Variants in FHIT observed in about 807,000 individuals in gnomAD.
The protein encoded by FHIT is fragile histidine triad diadenosine triphosphatase.
FHIT carries 19 observed loss-of-function variants against 17.9 expected under a neutral mutation model. The observed-to-expected ratio is 1.06, with a 90% CI of 0.74 to 1.56. FHIT has a LOEUF of 1.56. Ranked by LOEUF, FHIT falls within the 40% of genes most tolerant of loss-of-function variation. The probability of loss-of-function intolerance (pLI) is 0.00; values close to 1 mark genes in which losing one functional copy is unlikely to be tolerated. For synonymous variants in FHIT, 81 were observed against 69.7 expected (o/e 1.16, Z -0.81); for missense variants, 248 against 189.2 (o/e 1.31, Z -1.82).
chr3:60,348,162 T>A (rs1710891682), intron 5 of FHIT, among the ~76,000 whole-genome samples: 1 of 152,116 alleles, frequency 6.6e-6, no homozygotes, highest in Non-Finnish European at 1.5e-5. Flanking sequence ...TTTGTAATTA[T>A]CTAACCACAC....
chr3:61,063,820 C>A (rs1168932191), intron 2 of FHIT, among the ~76,000 whole-genome samples: 1 of 152,070 alleles, frequency 6.6e-6, no homozygotes, highest in Non-Finnish European at 1.5e-5. Context: ...AAAAAAAATC[C>A]AATTTTAATG....
chr3:60,655,237 G>A (rs983727893), intron 4 of FHIT, among the ~76,000 whole-genome samples: 1 of 152,098 alleles, frequency 6.6e-6, no homozygotes, highest in Non-Finnish European at 1.5e-5. Flanking sequence ...AGGTGGGAAG[G>A]GTGGGACTGG....
chr3:61,225,950 CTTATAAAATATTAACTATAAGAGCA>C (rs955586519), intron 1 of FHIT, among the ~76,000 whole-genome samples: 36 of 152,194 alleles, frequency 2.4e-4, no homozygotes, highest in African/African-American at 8.7e-4. Context: ...CAGGGCCAAG[CTTATAAAATATTAACTATAAGAGCA>C]GTCAAGTGTT....
intron 4 of FHIT, among the ~76,000 whole-genome samples, chr3:60,685,703 C>T (rs1315391349): frequency 6.6e-6 from 1 of 152,104 alleles, no homozygotes; most frequent in Admixed American, 6.6e-5. Flanking sequence ...CCTAGAATTA[C>T]TATTATACTA....
intron 4 of FHIT, among the ~76,000 whole-genome samples, chr3:60,669,583 C>T (rs1553693356): frequency 6.6e-6 from 1 of 152,134 alleles, no homozygotes; most frequent in Non-Finnish European, 1.5e-5. Flanking sequence ...GATGAATTTT[C>T]TTTTCTAGAA....
Position 60,452,573 on chromosome 3 carries a change from T to A in FHIT, c.103+84287A>T, listed in dbSNP as rs201988447. On this transcript the variant is annotated intron_variant, in intron 5 of 9. Transcript: ENST00000492590. The stretch of plus-strand genomic sequence containing the variant: ...ATGAATTCAAAACAATGATTAGTAA[T>A]TAACACATCAATCTTTGAATGTCAA... Among the ~76,000 whole-genome samples the A allele has an allele frequency of 1.3e-4, 20 of 152,316 alleles. No individual in the cohort carries two copies. The East Asian group carries it at 3.3e-3, about 25-fold the overall frequency.
At chr3:61,143,599 C>T (rs1448017108) in intron 2 of FHIT, among the ~76,000 whole-genome samples, 3 of 152,218 alleles carry the variant, frequency 2.0e-5, no homozygotes, top group Non-Finnish European at 4.4e-5. Context: ...GGCACAGTGG[C>T]TCACGCCTGT....
At chr3:60,579,970 T>C (rs965688522) in intron 4 of FHIT, among the ~76,000 whole-genome samples, 3 of 152,050 alleles carry the variant, frequency 2.0e-5, no homozygotes, top group African/African-American at 4.8e-5. Flanking sequence ...AGTCAGAAAA[T>C]GTCTAGCAGC....
chr3:60,182,752 C>A (rs1701992569), intron 5 of FHIT, among the ~76,000 whole-genome samples: 1 of 152,012 alleles, frequency 6.6e-6, no homozygotes, highest in African/African-American at 2.4e-5. Flanking sequence ...CACTGCACTG[C>A]AGCCTGGGTG....
intron 5 of FHIT, among the ~76,000 whole-genome samples, chr3:60,420,498 T>C (rs1467212398): frequency 2.0e-5 from 3 of 152,158 alleles, no homozygotes; most frequent in African/African-American, 7.2e-5. Context: ...ACAGCCAAAC[T>C]GCTAAGCAAT....
intron 3 of FHIT, among the ~76,000 whole-genome samples, chr3:60,830,401 C>T (rs1220782563): frequency 6.6e-6 from 1 of 152,068 alleles, no homozygotes; most frequent in African/African-American, 2.4e-5. Flanking sequence ...AACAGAAGCA[C>T]CACATAAACC....
intron 8 of FHIT, among the ~76,000 whole-genome samples, chr3:59,905,339 C>T (rs1704537181): frequency 6.6e-6 from 1 of 152,120 alleles, no homozygotes; most frequent in Admixed American, 6.5e-5. Context: ...AAGTTTCTAG[C>T]CTGGATTTTT....
chr3:60,554,066 T>G (rs1370421551), intron 4 of FHIT, among the ~76,000 whole-genome samples: 1 of 151,878 alleles, frequency 6.6e-6, no homozygotes, highest in African/African-American at 2.4e-5. Context: ...CACTCCAGCC[T>G]GGGTAACAAA....
In FHIT at chr3:60,573,937, G is replaced by A. The variant is rs1293170996; in HGVS notation, c.-17-36958C>T. 8.6e-5 allele frequency among the ~76,000 whole-genome samples: 13 copies of A among 151,890 alleles called. 1 individual carries two copies. Among genetic ancestry groups the A allele is most frequent in the Admixed American group, 8.5e-4 (13 of 15,246 alleles). On this transcript the variant is annotated intron_variant, in intron 4 of 9. Transcript: ENST00000492590. ...TGATTATCCTGCCTCAGCCTCCTGAGTAGCTGGAATTACAGGCAAGCACCA... is the reference window on the plus strand; with the variant it reads ...TGATTATCCTGCCTCAGCCTCCTGAATAGCTGGAATTACAGGCAAGCACCA...
At chr3:60,974,847 T>C (rs1559879906) in intron 3 of FHIT, among the ~76,000 whole-genome samples, 1 of 152,168 alleles carries the variant, frequency 6.6e-6, no homozygotes, top group Non-Finnish European at 1.5e-5. Flanking sequence ...TAATATCAAA[T>C]AACATAGCCC....
At chr3:60,383,664 A>AT (rs1700896284) in intron 5 of FHIT, among the ~76,000 whole-genome samples, 2 of 152,096 alleles carry the variant, frequency 1.3e-5, no homozygotes, top group African/African-American at 2.4e-5. Flanking sequence ...TACTGAAAAA[A>AT]AAAAATCATT....
chr3:60,217,876 A>G (rs1324475829), intron 5 of FHIT, among the ~76,000 whole-genome samples: 1 of 152,144 alleles, frequency 6.6e-6, no homozygotes, highest in African/African-American at 2.4e-5. Context: ...GTATCCTTTT[A>G]TATCTCTCAT....
intron 5 of FHIT, among the ~76,000 whole-genome samples, chr3:60,242,303 T>C (rs1188400188): frequency 6.6e-6 from 1 of 152,138 alleles, no homozygotes; most frequent in African/African-American, 2.4e-5. Flanking sequence ...TAAAATCCTA[T>C]AATATTTCAT....
rs969955132 is a variant in FHIT at position 60,948,889 on chromosome 3, C to T, written c.-111+93158G>A. Among the ~76,000 whole-genome samples the T allele has an allele frequency of 7.2e-5, 11 of 152,242 alleles. No individual in the cohort carries two copies. The East Asian group carries it at 1.4e-3, about 19-fold the overall frequency. Reference sequence around the variant, plus strand: ...TGAATGATTTACCAAAAGGTCAACACCGCTCTTTTGTCTTCATCACCCATC... The same window carrying T: ...TGAATGATTTACCAAAAGGTCAACATCGCTCTTTTGTCTTCATCACCCATC... On this transcript the variant is annotated intron_variant, in intron 3 of 9. Transcript: ENST00000492590.
Sources: gnomAD v4.1 joint callset for allele counts (sites outside exome capture counted in the v4.1 genomes callset) on GRCh38, gnomAD v4.1.1 for gene constraint, MANE v1.5 for transcripts, NCBI Gene and HGNC (gene_info 2026-07-23, HGNC 2026-07-21) for gene names.